EYS: variants seen among roughly 807,000 people sequenced by gnomAD.
EYS encodes the protein EGF-like photoreceptor maintenance factor.
A neutral mutation model predicts 282.1 loss-of-function variants in EYS; 250 were observed. The ratio of observed to expected loss-of-function variants is 0.89; its 90% CI spans 0.80 to 0.98. The LOEUF is 0.98. Ranked by LOEUF, EYS falls within the 50% of genes least tolerant of loss-of-function variation. The probability of loss-of-function intolerance (pLI) is 0.00; values close to 1 mark genes in which losing one functional copy is unlikely to be tolerated. For missense variants in EYS, 4,016 were observed against 3,709.0 expected (o/e 1.08, Z -2.15); for synonymous variants, 1,355 against 1,282.9 (o/e 1.06, Z -1.20).
chr6:65,198,828 C>A (rs1765831601), intron 12 of EYS, among the ~76,000 whole-genome samples: 1 of 151,928 alleles, frequency 6.6e-6, no homozygotes, highest in South Asian at 2.1e-4. Flanking sequence ...AATAAATGAA[C>A]AAAATTGGGA....
intron 22 of EYS, among the ~76,000 whole-genome samples, chr6:64,673,035 C>T (rs1769520881): frequency 6.6e-6 from 1 of 152,090 alleles, no homozygotes; most frequent in Non-Finnish European, 1.5e-5. Flanking sequence ...TAGTCTTGCT[C>T]TGCTTAAAGC....
chr6:65,362,287 C>T (rs372718548), intron 8 of EYS, among the ~76,000 whole-genome samples: 1 of 152,040 alleles, frequency 6.6e-6, no homozygotes. Flanking sequence ...TGTCCCAGTT[C>T]TCTTAGATAT....
Position 64,171,233 on chromosome 6 carries a change from T to A in EYS, c.6424+59359A>T, listed in dbSNP as rs113415759. 8.5e-3 allele frequency among the ~76,000 whole-genome samples: 1,291 copies of A among 152,332 alleles called. 6 individuals carry two copies. Among genetic ancestry groups the A allele is most frequent in the Non-Finnish European group, 0.013 (886 of 68,022 alleles). On this transcript the variant is annotated intron_variant, in intron 31 of 42. Coordinates refer to ENST00000503581, the MANE Select transcript of EYS (RefSeq NM_001142800.2). ...ATAATTACGGTATCCATCTATACTC[T>A]TGACTGTTTCTCTGAATTTATACAT...
chr6:65,426,246 G>C (rs75221155), intron 5 of EYS, among the ~76,000 whole-genome samples: 6,534 of 152,080 alleles, frequency 0.043, 220 homozygotes, highest in Non-Finnish European at 0.063. Flanking sequence ...AAAGTGATGA[G>C]ATTACTTAAG....
chr6:64,328,208 ACTT>A (rs1770501868), intron 29 of EYS, among the ~76,000 whole-genome samples: 1 of 152,140 alleles, frequency 6.6e-6, no homozygotes, highest in African/African-American at 2.4e-5. Context: ...ATTGCAAACA[ACTT>A]CTTCAGTCAT....
At chr6:64,129,130 A>C (rs1053918989) in intron 31 of EYS, among the ~76,000 whole-genome samples, 1 of 152,208 alleles carries the variant, frequency 6.6e-6, no homozygotes, top group Non-Finnish European at 1.5e-5. Flanking sequence ...AGTAGTTGGA[A>C]CAGAGGTTGT....
chr6:64,029,609 T>C (rs549948830), intron 33 of EYS, among the ~76,000 whole-genome samples: 9 of 152,350 alleles, frequency 5.9e-5, no homozygotes, highest in African/African-American at 2.2e-4. Flanking sequence ...TCCAGACTTA[T>C]GCTGCCCAAG....
intron 36 of EYS, among the ~76,000 whole-genome samples, chr6:63,826,809 C>T (rs2149688347): frequency 9.7e-6 from 1 of 103,222 alleles, no homozygotes; most frequent in South Asian, 2.9e-4. Flanking sequence ...GCATAAATCA[C>T]AGAGGATCTA....
intron 10 of EYS, among the ~76,000 whole-genome samples, chr6:65,341,057 T>G (rs1770183165): frequency 6.6e-6 from 1 of 151,028 alleles, no homozygotes; most frequent in Non-Finnish European, 1.5e-5. Context: ...ATAGGAAAAC[T>G]CTCCGTCTTC....
intron 19 of EYS, among the ~76,000 whole-genome samples, chr6:64,882,303 C>T (rs1228157568): frequency 6.6e-6 from 1 of 151,764 alleles, no homozygotes; most frequent in African/African-American, 2.4e-5. Flanking sequence ...CGACTTGGCA[C>T]ATTGACATTT....
chr6:64,937,867 G>T (rs1033750383), intron 15 of EYS, among the ~76,000 whole-genome samples: 190 of 151,658 alleles, frequency 1.3e-3, no homozygotes, highest in African/African-American at 4.3e-3. Flanking sequence ...TCAAAAAGTT[G>T]TAATAATCAA....
At chr6:64,708,912 C>T (rs904241184) in intron 22 of EYS, among the ~76,000 whole-genome samples, 1 of 152,028 alleles carries the variant, frequency 6.6e-6, no homozygotes, top group African/African-American at 2.4e-5. Context: ...TGCAAGTTTA[C>T]AAAAAGCAGA....
chr6:64,618,344 A>T (rs1027138353), intron 23 of EYS, among the ~76,000 whole-genome samples: 5 of 152,170 alleles, frequency 3.3e-5, no homozygotes, highest in African/African-American at 1.2e-4. Flanking sequence ...TATGCCTAAC[A>T]TGCTAGCCAC....
chr6:64,349,186 A>G (rs1771524357), intron 29 of EYS, among the ~76,000 whole-genome samples: 1 of 151,460 alleles, frequency 6.6e-6, no homozygotes, highest in Admixed American at 6.6e-5. Flanking sequence ...AACTTTGAAA[A>G]GCAATGTATA....
chr6:64,836,296 T>A lies in EYS; in HGVS notation c.2993-13474A>T, dbSNP rs536378904. On this transcript the variant is annotated intron_variant, in intron 19 of 42. Transcript: ENST00000503581. ...TATCATGAATATATTATGATTTATT[T>A]TATATATATATATACACACTATAAA... Among the ~76,000 whole-genome samples the A allele has an allele frequency of 9.4e-5, 14 of 149,696 alleles. No individual in the cohort carries two copies. The East Asian group carries it at 2.3e-3, about 25-fold the overall frequency.
chr6:65,694,113 G>C (rs1357201378), intron 1 of EYS, among the ~76,000 whole-genome samples: 1 of 150,000 alleles, frequency 6.7e-6, no homozygotes, highest in Non-Finnish European at 1.5e-5. Flanking sequence ...GCCAGGCGTG[G>C]TGGCACATGC....
chr6:65,433,499 G>A (rs1055034117), intron 5 of EYS, among the ~76,000 whole-genome samples: 8 of 152,124 alleles, frequency 5.3e-5, no homozygotes, highest in Admixed American at 4.6e-4. Context: ...TTAAGAGAAT[G>A]TTTGAGATTA....
intron 19 of EYS, among the ~76,000 whole-genome samples, chr6:64,864,385 C>CTTTTTTTTTTTTTTTTTTTTTGT (rs1766352024): frequency 1.7e-5 from 1 of 57,166 alleles, no homozygotes; most frequent in Non-Finnish European, 3.6e-5. Context: ...GCTATACCTT[C>CTTTTTTTTTTTTTTTTTTTTTGT]TTTTTTTTTT....
chr6:65,076,683 T>TACAC (rs36094243), intron 12 of EYS, among the ~76,000 whole-genome samples: 12 of 149,500 alleles, frequency 8.0e-5, no homozygotes, highest in African/African-American at 2.4e-4. Context: ...CATAAATATA[T>TACAC]ACACACACAC....
Sources: allele counts gnomAD v4.1 joint callset (sites outside exome capture counted in the v4.1 genomes callset), GRCh38; gene constraint gnomAD v4.1.1; transcripts MANE v1.5; gene names NCBI Gene and HGNC (gene_info 2026-07-23, HGNC 2026-07-21).